XYLB: variants seen among roughly 807,000 people sequenced by gnomAD.
XYLB encodes the protein xylulose kinase.
Under a neutral mutation model 78.7 loss-of-function variants are expected in XYLB, and 62 were observed. The ratio of observed to expected loss-of-function variants is 0.79; its 90% CI spans 0.64 to 0.97. The LOEUF (loss-of-function observed/expected upper bound fraction) is 0.97. Among genes scored for constraint, XYLB ranks in the 50% least tolerant of loss-of-function variants. XYLB has a pLI of 0.00. For missense variants in XYLB, 687 were observed against 676.8 expected, an observed-to-expected ratio of 1.02 and a Z score of -0.17; for synonymous variants, 245 against 247.4, an observed-to-expected ratio of 0.99 and a Z score of 0.09.
rs1017702515 is a variant in XYLB, at chr3:38,404,552, C to T, written c.1533+3567C>T. On this transcript the variant is annotated intron_variant, in intron 18 of 18. Coordinates refer to ENST00000207870, the MANE Select transcript of XYLB (RefSeq NM_005108.4). ...TGGCTTCCAGCTGGGCGTGGTGACT[C>T]ACTCCTGTAATCCCAGCACTTTCGG... 9.2e-5 allele frequency among the ~76,000 whole-genome samples: 14 copies of T among 152,334 alleles called. 1 individual carries two copies. The South Asian group carries it at 1.2e-3, about 14-fold the overall frequency.
rs758413470 is a variant in XYLB at position 38,375,260 on chromosome 3, G to C, written c.1004+1G>C. The C allele has an allele frequency of 6.2e-7, 1 of 1,613,838 alleles. No homozygotes were observed. The highest frequency in any genetic ancestry group is 8.5e-7 in the Non-Finnish European group (1 of 1,179,798). ...CCCAGCACTACATGGCACTCCTGTGGTGAGCTTGGGTGTTGGTTGGCACCA... is the reference window on the plus strand; with the variant it reads ...CCCAGCACTACATGGCACTCCTGTGCTGAGCTTGGGTGTTGGTTGGCACCA... On this transcript the variant is annotated splice_donor_variant, in intron 12 of 18. Transcript: ENST00000207870. LOFTEE classifies it high-confidence loss of function.
chr3:38,373,294 A>G (rs2125597774), intron 10 of XYLB, among the ~76,000 whole-genome samples: 1 of 152,196 alleles, frequency 6.6e-6, no homozygotes, highest in South Asian at 2.1e-4. Flanking sequence ...GCTACACTGA[A>G]TAACAACCTA....
chr3:38,441,649 A>G, the XYLB span, among the ~76,000 whole-genome samples: 6 of 151,598 alleles, frequency 4.0e-5, no homozygotes, highest in Non-Finnish European at 7.4e-5. Flanking sequence ...GATAGCCATA[A>G]ACTTCCTGTG....
chr3:38,353,097 T>G (rs1463583014), intron 2 of XYLB, among the ~76,000 whole-genome samples: 3 of 152,178 alleles, frequency 2.0e-5, no homozygotes, highest in African/African-American at 7.2e-5. Flanking sequence ...CTTTTATTGC[T>G]TCTAGATTTT....
downstream of XYLB, among the ~76,000 whole-genome samples, chr3:38,421,972 T>C (rs754760586): frequency 3.3e-5 from 5 of 152,318 alleles, no homozygotes; most frequent in East Asian, 1.9e-4. Context: ...GAGGGTGATA[T>C]GGATGCTTGG....
intron 1 of XYLB, 51 bp from the exon 2 acceptor site, chr3:38,348,498 AG>A (rs1398296471): frequency 5.1e-6 from 8 of 1,574,888 alleles, no homozygotes; most frequent in Non-Finnish European, 7.0e-6. Flanking sequence ...CCCCTGGACC[AG>A]TGTAGAAGCT....
intron 2 of XYLB, among the ~76,000 whole-genome samples, chr3:38,358,490 G>A (rs1382031213): frequency 1.3e-5 from 2 of 151,598 alleles, no homozygotes; most frequent in Non-Finnish European, 2.9e-5. Flanking sequence ...GATTACAGGT[G>A]CCCTCCACCA....
chr3:38,413,299 A>G lies in XYLB; in HGVS notation c.*286A>G. 2.9e-6 allele frequency: 1 copy of G among 344,774 alleles called. No individual in the cohort carries two copies. The highest frequency in any genetic ancestry group is 5.2e-6 in the Non-Finnish European group (1 of 193,098). 21.4% of individuals were successfully genotyped at this position (344,774 alleles called of 1,614,324 possible). A position where few individuals can be genotyped will look rare whatever the true frequency, so the allele number is the denominator to read the frequency against. Reference sequence around the variant, plus strand: ...CACTGAGACTGGGATATGTCCAATAAAAACTATGACTTTTCCCCTTGCAGA... The same window carrying G: ...CACTGAGACTGGGATATGTCCAATAGAAACTATGACTTTTCCCCTTGCAGA... On this transcript the variant is annotated 3_prime_UTR_variant, in exon 19 of 19. Transcript: ENST00000207870.
At chr3:38,389,322 GAA>G (rs759708062) in intron 15 of XYLB, among the ~76,000 whole-genome samples, 1 of 150,810 alleles carries the variant, frequency 6.6e-6, no homozygotes, top group Non-Finnish European at 1.5e-5. Context: ...AGAACAAAAT[GAA>G]AAGTCTCCCA....
intron 2 of XYLB, among the ~76,000 whole-genome samples, chr3:38,358,664 T>C (rs1041658390): frequency 2.0e-5 from 3 of 152,166 alleles, no homozygotes; most frequent in East Asian, 1.9e-4. Flanking sequence ...TTTTAAGTTG[T>C]TAAATACATG....
At chr3:38,358,718 C>T (rs1705813162) in intron 2 of XYLB, among the ~76,000 whole-genome samples, 1 of 152,150 alleles carries the variant, frequency 6.6e-6, no homozygotes, top group Non-Finnish European at 1.5e-5. Context: ...GTGAAGGCAA[C>T]ATTTTTTGGT....
chr3:38,433,323 G>A, the XYLB span, among the ~76,000 whole-genome samples: 1 of 152,204 alleles, frequency 6.6e-6, no homozygotes, highest in African/African-American at 2.4e-5. Flanking sequence ...GCCTGTGATG[G>A]GGAGGGCTGC....
rs746822009 is a variant in XYLB, at chr3:38,376,958, TG to T, written c.1163del (p.Gly388AspfsTer24). 6.2e-7 allele frequency: 1 copy of T among 1,614,202 alleles called. No homozygotes were observed. Among genetic ancestry groups the T allele is most frequent in the South Asian group, 1.1e-5 (1 of 91,084 alleles). On this transcript the variant is annotated frameshift_variant, in exon 14 of 19. Transcript: ENST00000207870. LOFTEE classifies it high-confidence loss of function. The stretch of plus-strand genomic sequence containing the variant: ...TAATGGAGATCACCCCTGAAATTAT[TG>T]GACGTCATAGGTTTAACACAGAAAA... The part of the protein sequence containing the change: ...DVMEITPEII[G>X]RHRFNTENHK...
intron 2 of XYLB, among the ~76,000 whole-genome samples, chr3:38,351,173 A>C (rs1010862970): frequency 2.9e-5 from 3 of 105,018 alleles, no homozygotes; most frequent in East Asian, 7.0e-4. Context: ...GCCTGTCTCA[A>C]AAAAAAAAAA....
chr3:38,352,215 C>CT (rs1411667352), intron 2 of XYLB, among the ~76,000 whole-genome samples: 1 of 150,414 alleles, frequency 6.6e-6, no homozygotes, highest in Non-Finnish European at 1.5e-5. Flanking sequence ...TTTTTTCTTT[C>CT]TTTTTTTGAG....
intron 18 of XYLB, among the ~76,000 whole-genome samples, chr3:38,410,758 C>G (rs1006218974): frequency 6.6e-6 from 1 of 152,012 alleles, no homozygotes; most frequent in Non-Finnish European, 1.5e-5. Flanking sequence ...GACATTTATG[C>G]AGCCAAAAGA....
At chr3:38,364,318 A>G (rs1434574939) in intron 4 of XYLB, among the ~76,000 whole-genome samples, 1 of 151,434 alleles carries the variant, frequency 6.6e-6, no homozygotes, top group Non-Finnish European at 1.5e-5. Context: ...TCTGCTTGTC[A>G]TTCTTCTCCA....
rs569369305 is a variant in XYLB, at chr3:38,414,627, A to G, written c.*1614A>G. ...GAATAAAAATGAAAAAGCTACAAGC[A>G]TATATGAGAAGAGAACTGACTGAAC... On this transcript the variant is annotated 3_prime_UTR_variant, in exon 19 of 19. Transcript: ENST00000207870. 6.6e-6 allele frequency: 1 copy of G among 152,354 alleles called. No homozygotes were observed. Among genetic ancestry groups the G allele is most frequent in the East Asian group, 1.9e-4 (1 of 5,188 alleles). The allele number at this position is 152,354 out of a possible 1,614,324, so 9.4% of individuals were successfully genotyped here.
At position 38,365,785 on chromosome 3, in the gene XYLB, C is replaced by T. The variant is rs762879955; in HGVS notation, c.507+49C>T. The T allele has an allele frequency of 2.2e-5, 34 of 1,559,968 alleles. No homozygotes were observed. The East Asian group carries it at 5.1e-4, about 23-fold the overall frequency. ...CAGGGGGTGGTCTGGTTGCAAGCTC[C>T]GGAGGCATAGTGGGTGACCTGCCTC... is the stretch of plus-strand genomic sequence containing the variant. On this transcript the variant is annotated intron_variant, in intron 6 of 18. Transcript: ENST00000207870.
Sources: gnomAD v4.1 joint callset for allele counts (sites outside exome capture counted in the v4.1 genomes callset) on GRCh38, gnomAD v4.1.1 for gene constraint, MANE v1.5 for transcripts, NCBI Gene and HGNC (gene_info 2026-07-23, HGNC 2026-07-21) for gene names.